IGSF11: variants seen among roughly 807,000 people sequenced by gnomAD.
IGSF11 encodes the protein CXADR like 1.
A neutral mutation model predicts 41.0 loss-of-function variants in IGSF11; 22 were observed. That is an observed-to-expected ratio of 0.54 (90% CI 0.38 to 0.77). The LOEUF is 0.77. IGSF11 is among the 30% of genes least tolerant of loss of function. The pLI is 0.00. For missense variants in IGSF11, 444 were observed against 530.8 expected (o/e 0.84, Z 1.61); for synonymous variants, 219 against 201.3 (o/e 1.09, Z -0.74).
At chr3:119,080,023 C>A (rs530552084) in intron 1 of IGSF11, among the ~76,000 whole-genome samples, 1 of 152,174 alleles carries the variant, frequency 6.6e-6, no homozygotes, top group East Asian at 1.9e-4. Flanking sequence ...ACATGTACCA[C>A]CTTGAACCTA....
intron 1 of IGSF11, among the ~76,000 whole-genome samples, chr3:118,966,402 C>T (rs1945677836): frequency 1.3e-5 from 2 of 152,086 alleles, no homozygotes; most frequent in South Asian, 2.1e-4. Context: ...CTCCATGTTG[C>T]TTTTTTTCTA....
At chr3:119,045,882 A>C (rs1009857134) in intron 1 of IGSF11, among the ~76,000 whole-genome samples, 1 of 152,066 alleles carries the variant, frequency 6.6e-6, no homozygotes, top group African/African-American at 2.4e-5. Context: ...CAGCAGGGGC[A>C]CAGTGACACC....
At chr3:119,066,852 T>C (rs938081499) in intron 1 of IGSF11, among the ~76,000 whole-genome samples, 1 of 152,176 alleles carries the variant, frequency 6.6e-6, no homozygotes, top group Non-Finnish European at 1.5e-5. Flanking sequence ...GAGTTCTTGA[T>C]TTCAGATATT....
chr3:119,076,709 G>A (rs1269138766), intron 1 of IGSF11, among the ~76,000 whole-genome samples: 2 of 152,134 alleles, frequency 1.3e-5, no homozygotes, highest in African/African-American at 2.4e-5. Flanking sequence ...AAATCACAGT[G>A]AGATACCATC....
At chr3:119,044,327 A>G (rs1474600977) in intron 1 of IGSF11, among the ~76,000 whole-genome samples, 2 of 152,164 alleles carry the variant, frequency 1.3e-5, no homozygotes, top group Non-Finnish European at 2.9e-5. Context: ...GCTTGAAGAT[A>G]AGACTTTCTA....
rs191674012 is a variant in IGSF11 at position 118,933,342 on chromosome 3, G to A, written c.53-3067C>T. 4.9e-3 allele frequency among the ~76,000 whole-genome samples: 743 copies of A among 151,864 alleles called. 4 individuals are homozygous for A. The highest frequency in any genetic ancestry group is 0.031 in the Middle Eastern group (9 of 294). The stretch of plus-strand genomic sequence containing the variant: ...AATATTATCATCACATCATACAAGG[G>A]GTATGATGAGGGCAGTACCAGACGC... On this transcript the variant is annotated intron_variant, in intron 1 of 6. Transcript: ENST00000393775.
At chr3:118,950,735 G>A (rs1384100859) in intron 1 of IGSF11, among the ~76,000 whole-genome samples, 1 of 152,100 alleles carries the variant, frequency 6.6e-6, no homozygotes, top group Non-Finnish European at 1.5e-5. Context: ...CAAGACAGAA[G>A]GTCATGTGGG....
At chr3:118,931,950 A>G (rs879393249) in intron 1 of IGSF11, among the ~76,000 whole-genome samples, 2 of 151,930 alleles carry the variant, frequency 1.3e-5, no homozygotes, top group Non-Finnish European at 2.9e-5. Flanking sequence ...AGCCAGGGTG[A>G]TCTCGATCTC....
At chr3:119,005,992 T>G (rs1161633151) in intron 1 of IGSF11, among the ~76,000 whole-genome samples, 1 of 129,120 alleles carries the variant, frequency 7.7e-6, no homozygotes, top group African/African-American at 3.4e-5. Context: ...CTGTATTTCC[T>G]GAATCTGAAC....
chr3:119,061,778 GT>G (rs11394485), intron 1 of IGSF11, among the ~76,000 whole-genome samples: 77 of 149,736 alleles, frequency 5.1e-4, no homozygotes, highest in Non-Finnish European at 8.8e-4. Context: ...TTTAACTATA[GT>G]TTTTTTTTTT....
Position 119,023,262 on chromosome 3 carries a change from C to CAAA in IGSF11, c.52+11266_52+11268dup, listed in dbSNP as rs3049118. 6.3e-4 allele frequency among the ~76,000 whole-genome samples: 38 copies of CAAA among 60,272 alleles called. 1 individual carries two copies. The highest frequency in any genetic ancestry group is 1.3e-3 in the African/African-American group (20 of 15,032). The allele number at this position is 60,272 out of a possible 152,430, so 39.5% of individuals were successfully genotyped here. On this transcript the variant is annotated intron_variant, in intron 1 of 6. Transcript: ENST00000393775. The stretch of plus-strand genomic sequence containing the variant: ...TGGGCGACAGAGCGAGACTCCGTCT[C>CAAA]AAAAAAAAAAAAAAAAAAAAAAAAA...
chr3:119,053,094 G>T (rs977690377), intron 1 of IGSF11, among the ~76,000 whole-genome samples: 2 of 152,054 alleles, frequency 1.3e-5, no homozygotes, highest in Non-Finnish European at 2.9e-5. Flanking sequence ...ACAAGACAAG[G>T]ATGCCCACTT....
At chr3:118,916,865 C>T (rs1330602858) in intron 4 of IGSF11, among the ~76,000 whole-genome samples, 5 of 151,806 alleles carry the variant, frequency 3.3e-5, no homozygotes, top group African/African-American at 1.2e-4. Flanking sequence ...AAGTAAAGCT[C>T]TCCTCAGCAA....
At chr3:118,907,661 C>T (rs1044305697) in intron 4 of IGSF11, among the ~76,000 whole-genome samples, 2 of 152,164 alleles carry the variant, frequency 1.3e-5, no homozygotes, top group Non-Finnish European at 2.9e-5. Flanking sequence ...ATTAAATATG[C>T]CTCATTTAAT....
At chr3:118,929,882 T>C (rs1161695167) in intron 2 of IGSF11, among the ~76,000 whole-genome samples, 2 of 152,212 alleles carry the variant, frequency 1.3e-5, no homozygotes, top group Non-Finnish European at 2.9e-5. Context: ...TACAGGTTCC[T>C]ACATAAACCT....
intron 1 of IGSF11, among the ~76,000 whole-genome samples, chr3:119,113,092 G>A (rs532108554): frequency 7.9e-5 from 12 of 152,236 alleles, no homozygotes; most frequent in African/African-American, 2.6e-4. Context: ...TCTGCCCCAC[G>A]ATCCAATTAC....
chr3:119,113,837 G>A (rs376296231), intron 1 of IGSF11, among the ~76,000 whole-genome samples: 4 of 152,348 alleles, frequency 2.6e-5, no homozygotes, highest in African/African-American at 9.6e-5. Context: ...GCAGACTTCT[G>A]TCTGGATATC....
intron 5 of IGSF11, 114 bp downstream of exon 5, chr3:118,905,482 T>C (rs763100496): frequency 1.3e-5 from 14 of 1,085,098 alleles, no homozygotes; most frequent in Non-Finnish European, 1.8e-5. Context: ...AAACAATTTC[T>C]ATTTAATCTT....
Position 118,920,770 on chromosome 3 carries a change from A to G in IGSF11, c.580+5331T>C, listed in dbSNP as rs574705621. Among the ~76,000 whole-genome samples, 16 of 152,328 alleles carry G rather than the reference A, an allele frequency of 1.1e-4. No homozygotes were observed. The East Asian group carries it at 2.7e-3, about 26-fold the overall frequency. ...TGATTTTTAAACACATATTTCTCAT[A>G]ATAACATAGCTGAAGCATGTAAAAT... On this transcript the variant is annotated intron_variant, in intron 4 of 6. Transcript: ENST00000393775.
Sources: allele counts gnomAD v4.1 joint callset (sites outside exome capture counted in the v4.1 genomes callset), GRCh38; gene constraint gnomAD v4.1.1; transcripts MANE v1.5; gene names NCBI Gene and HGNC (gene_info 2026-07-23, HGNC 2026-07-21).